The following FUT9 variants were observed in gnomAD, a reference collection of about 807,000 sequenced individuals.
FUT9 encodes the protein 4-galactosyl-N-acetylglucosaminide 3-alpha-L-fucosyltransferase 9.
Under a neutral mutation model 29.7 loss-of-function variants are expected in FUT9, and 15 were observed. That is an observed-to-expected ratio of 0.51 (90% CI 0.34 to 0.78). The LOEUF is 0.78. Among genes scored for constraint, FUT9 ranks in the 30% least tolerant of loss-of-function variants. FUT9 has a pLI of 0.01. For synonymous variants in FUT9, 169 were observed against 153.7 expected, an observed-to-expected ratio of 1.10 and a Z score of -0.74; for missense variants, 319 against 425.4, an observed-to-expected ratio of 0.75 and a Z score of 2.20.
Position 96,141,176 on chromosome 6 carries a change from T to A in FUT9, c.-9+27049T>A, listed in dbSNP as rs988451196. 9.2e-5 allele frequency among the ~76,000 whole-genome samples: 14 copies of A among 152,314 alleles called. 1 individual carries two copies. Among genetic ancestry groups the A allele is most frequent in the Admixed American group, 5.2e-4 (8 of 15,296 alleles). ...TGGAAGCTATCCTTTAATGATAAGT[T>A]TCTTCTGAAATGTATTTTTATTACT... On this transcript the variant is annotated intron_variant, in intron 2 of 2. Coordinates refer to ENST00000302103, the MANE Select transcript of FUT9 (RefSeq NM_006581.4).
At chr6:96,168,135 AT>A (rs1773047359) in intron 2 of FUT9, among the ~76,000 whole-genome samples, 2 of 152,122 alleles carry the variant, frequency 1.3e-5, no homozygotes, top group Non-Finnish European at 1.5e-5. Flanking sequence ...TTGAATTTCA[AT>A]TTTTCTTTTA....
chr6:96,213,475 T>G lies in FUT9; in HGVS notation c.*9240T>G, dbSNP rs1344075742. The stretch of plus-strand genomic sequence containing the variant: ...GTAATTGTATGTTTTATTAATGTGA[T>G]GTAATTTTGCACTATTGTATTGTCA... On this transcript the variant is annotated 3_prime_UTR_variant, in exon 3 of 3. Coordinates refer to ENST00000302103, the MANE Select transcript of FUT9 (RefSeq NM_006581.4). 23 of 166,900 alleles carry G rather than the reference T, an allele frequency of 1.4e-4. No homozygotes were observed. Among genetic ancestry groups the G allele is most frequent in the African/African-American group, 5.5e-4 (23 of 41,444 alleles). 10.3% of individuals were successfully genotyped at this position (166,900 alleles called of 1,614,324 possible).
intron 2 of FUT9, among the ~76,000 whole-genome samples, chr6:96,149,268 C>A (rs1330320597): frequency 6.6e-6 from 1 of 151,746 alleles, no homozygotes; most frequent in Non-Finnish European, 1.5e-5. Flanking sequence ...TCTTCTATCA[C>A]CAGAGAGCAT....
Position 96,036,917 on chromosome 6 carries a change from G to C in FUT9, c.-98+20705G>C, listed in dbSNP as rs888574619. 28 of 152,110 alleles carry C rather than the reference G, an allele frequency of 1.8e-4. 1 individual carries two copies. The highest frequency in any genetic ancestry group is 1.6e-3 in the Admixed American group (24 of 15,246). 9.4% of individuals were successfully genotyped at this position (152,110 alleles called of 1,614,324 possible). A position where few individuals can be genotyped will look rare whatever the true frequency, so the allele number is the denominator to read the frequency against. ...TTAAAATGCAGATTCTTATTCAATA[G>C]ATCTGGGTTGGGATGGGAGATTTCT... On this transcript the variant is annotated intron_variant, in intron 1 of 2. Coordinates refer to ENST00000302103, the MANE Select transcript of FUT9 (RefSeq NM_006581.4).
At chr6:96,051,821 C>A (rs1045168054) in intron 1 of FUT9, among the ~76,000 whole-genome samples, 1 of 151,710 alleles carries the variant, frequency 6.6e-6, no homozygotes, top group Non-Finnish European at 1.5e-5. Context: ...ATATTAAATA[C>A]ATGATTAAAT....
At chr6:96,146,666 C>T (rs1488456208) in intron 2 of FUT9, among the ~76,000 whole-genome samples, 2 of 152,160 alleles carry the variant, frequency 1.3e-5, no homozygotes, top group Admixed American at 6.5e-5. Context: ...AGGGATATCT[C>T]CAAATTTCTA....
intron 2 of FUT9, among the ~76,000 whole-genome samples, chr6:96,153,988 G>C (rs1772729135): frequency 6.6e-6 from 1 of 152,160 alleles, no homozygotes; most frequent in Non-Finnish European, 1.5e-5. Flanking sequence ...TTGATCATCA[G>C]ACTGTATGTT....
At chr6:96,069,083 G>A (rs527671295) in intron 1 of FUT9, among the ~76,000 whole-genome samples, 4 of 152,170 alleles carry the variant, frequency 2.6e-5, no homozygotes, top group African/African-American at 4.8e-5. Flanking sequence ...TTGGGAGGCC[G>A]AGGCTGGCGG....
At chr6:96,199,214 G>A (rs941620485) in intron 2 of FUT9, among the ~76,000 whole-genome samples, 5 of 152,088 alleles carry the variant, frequency 3.3e-5, no homozygotes, top group Admixed American at 1.3e-4. Flanking sequence ...TTTTAAAATA[G>A]GTAGTATTGA....
In FUT9 at chr6:96,120,535, G is replaced by A. The variant is rs571206559; in HGVS notation, c.-9+6408G>A. 3.1e-3 allele frequency among the ~76,000 whole-genome samples: 455 copies of A among 146,804 alleles called. 1 individual carries two copies. Among genetic ancestry groups the A allele is most frequent in the African/African-American group, 0.011 (435 of 39,842 alleles). On this transcript the variant is annotated intron_variant, in intron 2 of 2. Coordinates refer to ENST00000302103, the MANE Select transcript of FUT9 (RefSeq NM_006581.4). ...CCTGACCTCGTGATCCGCCCGCCTC[G>A]GCCTCCCAAAGTGATGGGATTACAG...
intron 1 of FUT9, among the ~76,000 whole-genome samples, chr6:96,067,200 A>T (rs1260051304): frequency 2.0e-5 from 3 of 150,278 alleles, no homozygotes; most frequent in African/African-American, 7.3e-5. Flanking sequence ...CTATGAATAT[A>T]TATATATATG....
intron 1 of FUT9, among the ~76,000 whole-genome samples, chr6:96,098,466 C>A (rs1026473153): frequency 6.6e-6 from 1 of 152,134 alleles, no homozygotes; most frequent in African/African-American, 2.4e-5. Flanking sequence ...TAGCTAGCTC[C>A]TTCTATCATT....
intron 2 of FUT9, among the ~76,000 whole-genome samples, chr6:96,188,561 C>T (rs555319342): frequency 6.6e-6 from 1 of 151,972 alleles, no homozygotes; most frequent in African/African-American, 2.4e-5. Flanking sequence ...ACCCATATTT[C>T]ATCTGGTTGT....
chr6:96,096,886 C>T (rs942680229), intron 1 of FUT9, among the ~76,000 whole-genome samples: 28 of 151,916 alleles, frequency 1.8e-4, no homozygotes, highest in African/African-American at 6.8e-4. Context: ...CTCTTCCTTC[C>T]AGAACATAAG....
intron 1 of FUT9, among the ~76,000 whole-genome samples, chr6:96,090,610 A>T (rs1300025283): frequency 6.6e-6 from 1 of 152,084 alleles, no homozygotes; most frequent in Non-Finnish European, 1.5e-5. Context: ...CATCTCTGGT[A>T]AGATTGAGCA....
At chr6:96,021,387 G>A (rs1253977559) in intron 1 of FUT9, among the ~76,000 whole-genome samples, 1 of 151,818 alleles carries the variant, frequency 6.6e-6, no homozygotes, top group Admixed American at 6.6e-5. Flanking sequence ...AGGTCATAGG[G>A]TAATCTTTTA....
intron 1 of FUT9, among the ~76,000 whole-genome samples, chr6:96,090,889 A>C (rs1231024138): frequency 6.6e-6 from 1 of 152,090 alleles, no homozygotes; most frequent in African/African-American, 2.4e-5. Flanking sequence ...TTACACAAAC[A>C]AAGGGAAAGT....
chr6:96,050,203 A>C (rs865808211), intron 1 of FUT9, among the ~76,000 whole-genome samples: 19 of 152,156 alleles, frequency 1.2e-4, no homozygotes, highest in Non-Finnish European at 2.2e-4. Flanking sequence ...GTATTTAATG[A>C]AGTGTAGGAC....
chr6:96,080,220 C>A (rs1454580042), intron 1 of FUT9, among the ~76,000 whole-genome samples: 5 of 76,730 alleles, frequency 6.5e-5, no homozygotes, highest in Non-Finnish European at 3.3e-5. Flanking sequence ...AATTGTGTTT[C>A]TAAAAAAAAA....
Sources: allele counts gnomAD v4.1 joint callset (sites outside exome capture counted in the v4.1 genomes callset), GRCh38; gene constraint gnomAD v4.1.1; transcripts MANE v1.5; gene names NCBI Gene and HGNC (gene_info 2026-07-23, HGNC 2026-07-21).